CCDC148: variants seen among roughly 807,000 people sequenced by gnomAD.
The protein encoded by CCDC148 is coiled-coil domain-containing protein 148.
Under a neutral mutation model 85.7 loss-of-function variants are expected in CCDC148, and 89 were observed. That is an observed-to-expected ratio of 1.04 (90% CI 0.87 to 1.24). The LOEUF is 1.24. Among genes scored for constraint, CCDC148 ranks in the 50% most tolerant of loss-of-function variants. The probability of loss-of-function intolerance (pLI) is 0.00; values close to 1 mark genes in which losing one functional copy is unlikely to be tolerated. For missense variants in CCDC148, 692 were observed against 671.7 expected (o/e 1.03, Z -0.33); for synonymous variants, 230 against 213.9 (o/e 1.08, Z -0.66).
chr2:158,394,628 T>G, intron 1 of CCDC148, among the ~76,000 whole-genome samples: 1 of 150,480 alleles, frequency 6.6e-6, no homozygotes. Context: ...AAAAAAACTG[T>G]GGAGAAACCC....
chr2:158,314,658 C>T (rs1296383021), intron 7 of CCDC148, among the ~76,000 whole-genome samples: 1 of 152,154 alleles, frequency 6.6e-6, no homozygotes, highest in Non-Finnish European at 1.5e-5. Context: ...TCAGTTTGAA[C>T]ACTAAACTGA....
At chr2:158,439,557 G>A (rs777063158) in intron 1 of CCDC148, among the ~76,000 whole-genome samples, 3 of 151,836 alleles carry the variant, frequency 2.0e-5, no homozygotes, top group Non-Finnish European at 4.4e-5. Context: ...GCATACCAAC[G>A]TGGCACATGT....
intron 10 of CCDC148, among the ~76,000 whole-genome samples, chr2:158,241,251 A>G (rs1322944958): frequency 6.6e-6 from 1 of 152,260 alleles, no homozygotes; most frequent in Non-Finnish European, 1.5e-5. Context: ...GCACAAATGT[A>G]TTTAATTTGC....
chr2:158,352,401 A>G (rs1489509112), intron 2 of CCDC148, among the ~76,000 whole-genome samples: 2 of 152,244 alleles, frequency 1.3e-5, no homozygotes, highest in Non-Finnish European at 2.9e-5. Flanking sequence ...GGAGCTGAAA[A>G]CCAAGGCTCG....
intron 11 of CCDC148, among the ~76,000 whole-genome samples, chr2:158,190,041 A>G (rs921189842): frequency 1.3e-5 from 2 of 152,048 alleles, no homozygotes; most frequent in Admixed American, 6.6e-5. Flanking sequence ...AATATACATT[A>G]TTCCTTTAAG....
At chr2:158,429,380 G>C (rs1439366186) in intron 1 of CCDC148, among the ~76,000 whole-genome samples, 1 of 151,924 alleles carries the variant, frequency 6.6e-6, no homozygotes, top group Non-Finnish European at 1.5e-5. Context: ...TAGATAGATA[G>C]ATAGATAGAT....
chr2:158,363,098 C>T (rs1170982211), intron 1 of CCDC148, among the ~76,000 whole-genome samples: 2 of 152,192 alleles, frequency 1.3e-5, no homozygotes, highest in South Asian at 2.1e-4. Flanking sequence ...ACACATACAC[C>T]CTCCTAAGTC....
In CCDC148 at chr2:158,437,081, T is replaced by C. The variant is rs183193564; in HGVS notation, c.25+19334A>G. On this transcript the variant is annotated intron_variant, in intron 1 of 13. Transcript: ENST00000283233. ...GAGCTGGTACCATTCCTTCTGAAAC[T>C]ATTCCAAATAATAGAAAAAGAGGGA... 3.9e-3 allele frequency among the ~76,000 whole-genome samples: 592 copies of C among 152,318 alleles called. 7 individuals are homozygous for C. Among genetic ancestry groups the C allele is most frequent in the South Asian group, 0.027 (128 of 4,820 alleles).
intron 1 of CCDC148, among the ~76,000 whole-genome samples, chr2:158,433,939 T>C (rs1687506088): frequency 6.6e-6 from 1 of 152,212 alleles, no homozygotes; most frequent in Non-Finnish European, 1.5e-5. Flanking sequence ...GCGTCCGCCA[T>C]TGCTGAGGCT....
chr2:158,258,300 A>T (rs771605543), intron 9 of CCDC148, among the ~76,000 whole-genome samples: 11 of 151,814 alleles, frequency 7.2e-5, no homozygotes, highest in Non-Finnish European at 1.6e-4. Flanking sequence ...ATCCCTCCCA[A>T]TGCTAAGGTT....
chr2:158,425,383 G>C (rs749128648), intron 1 of CCDC148: 87 of 425,962 alleles, frequency 2.0e-4, no homozygotes, highest in Non-Finnish European at 3.1e-4. Context: ...CTGGTCTTTT[G>C]TTGATCTAAG....
In CCDC148 at chr2:158,176,503, G is replaced by T; in HGVS notation, c.1629+18C>A. On this transcript the variant is annotated intron_variant, in intron 13 of 13. Coordinates refer to ENST00000283233, the MANE Select transcript of CCDC148 (RefSeq NM_138803.4). ...TCATCATGGCTTTTTCATCAGTCAT[G>T]CTAATTTCCATAATTACCTGCTGTT... 1 of 1,607,804 alleles carries T rather than the reference G, an allele frequency of 6.2e-7. No individual in the cohort carries two copies. Among genetic ancestry groups the T allele is most frequent in the South Asian group, 1.1e-5 (1 of 90,774 alleles).
chr2:158,218,976 A>G (rs1037501645), intron 11 of CCDC148, among the ~76,000 whole-genome samples: 1 of 152,198 alleles, frequency 6.6e-6, no homozygotes, highest in African/African-American at 2.4e-5. Flanking sequence ...GATTCAATCT[A>G]CAACCTCAGT....
chr2:158,303,318 C>A (rs1310202556), intron 9 of CCDC148, among the ~76,000 whole-genome samples: 2 of 152,104 alleles, frequency 1.3e-5, no homozygotes, highest in East Asian at 3.9e-4. Context: ...TAAATATCTT[C>A]TATTATTTTG....
intron 9 of CCDC148, among the ~76,000 whole-genome samples, chr2:158,281,971 A>G: frequency 6.6e-6 from 1 of 152,058 alleles, no homozygotes; most frequent in Non-Finnish European, 1.5e-5. Context: ...GGCTGGTTCA[A>G]TATACACAAA....
At chr2:158,317,806 T>C (rs1222620094) in intron 7 of CCDC148, among the ~76,000 whole-genome samples, 3 of 152,226 alleles carry the variant, frequency 2.0e-5, no homozygotes, top group African/African-American at 7.2e-5. Context: ...AAAGCTGTTT[T>C]ATGTTTTCTC....
At chr2:158,257,616 G>T (rs1366991596) in intron 9 of CCDC148, among the ~76,000 whole-genome samples, 1 of 151,570 alleles carries the variant, frequency 6.6e-6, no homozygotes, top group Non-Finnish European at 1.5e-5. Context: ...ATTATTCCTT[G>T]GTTTCTTAGG....
At chr2:158,201,984 A>G (rs2105283194) in intron 11 of CCDC148, among the ~76,000 whole-genome samples, 1 of 152,350 alleles carries the variant, frequency 6.6e-6, no homozygotes, top group East Asian at 1.9e-4. Context: ...GGCATGGCAT[A>G]ACAAAGTGTG....
intron 10 of CCDC148, among the ~76,000 whole-genome samples, chr2:158,238,055 CA>C (rs1688188395): frequency 6.6e-6 from 1 of 151,914 alleles, no homozygotes; most frequent in South Asian, 2.1e-4. Flanking sequence ...AGCGGAGGGA[CA>C]AAATGGTTCA....
Sources: allele counts gnomAD v4.1 joint callset (sites outside exome capture counted in the v4.1 genomes callset), GRCh38; gene constraint gnomAD v4.1.1; transcripts MANE v1.5; gene names NCBI Gene and HGNC (gene_info 2026-07-23, HGNC 2026-07-21).